ATG13: variants seen among roughly 807,000 people sequenced by gnomAD.
The protein encoded by ATG13 is autophagy-related protein 13.
In ATG13, 23 loss-of-function variants were observed where a neutral mutation model predicts 65.5. The ratio of observed to expected loss-of-function variants is 0.35; its 90% CI spans 0.25 to 0.50. The LOEUF (loss-of-function observed/expected upper bound fraction) is 0.50. Among genes scored for constraint, ATG13 ranks in the 20% least tolerant of loss-of-function variants. The pLI, the probability that ATG13 is intolerant of heterozygous loss-of-function variation, is 0.98. For missense variants in ATG13, 566 were observed against 677.0 expected, an observed-to-expected ratio of 0.84 and a Z score of 1.82; for synonymous variants, 252 against 245.2, an observed-to-expected ratio of 1.03 and a Z score of -0.26.
At chr11:46,663,129 G>T (rs1300506532) in intron 11 of ATG13, among the ~76,000 whole-genome samples, 1 of 151,902 alleles carries the variant, frequency 6.6e-6, no homozygotes. Flanking sequence ...AGCCAGGCTT[G>T]GTGGCGGGCA....
chr11:46,666,633 A>C (rs979965004), intron 14 of ATG13, among the ~76,000 whole-genome samples: 1 of 152,234 alleles, frequency 6.6e-6, no homozygotes, highest in East Asian at 1.9e-4. Context: ...AACTTTCAGA[A>C]CGGTTAAGTG....
At position 46,652,934 on chromosome 11, in the gene ATG13, TA is replaced by T. The variant is rs578113274; in HGVS notation, c.458+2624del. 3.9e-5 allele frequency among the ~76,000 whole-genome samples: 6 copies of T among 152,112 alleles called. No homozygotes were observed. In the South Asian group the frequency reaches 1.0e-3, roughly 26 times the overall value. ...TCAGCCGACCATCTGCTTGTTTTTA[TA>T]AAAAAAGTTTTTTTAGGACACAGCC... is the stretch of plus-strand genomic sequence containing the variant. On this transcript the variant is annotated intron_variant, in intron 7 of 18. Coordinates refer to ENST00000683050, the MANE Select transcript of ATG13 (RefSeq NM_001346311.2).
chr11:46,661,247 G>A (rs1469878914), intron 11 of ATG13, among the ~76,000 whole-genome samples: 1 of 152,182 alleles, frequency 6.6e-6, no homozygotes, highest in Non-Finnish European at 1.5e-5. Context: ...GCCGGGCGCA[G>A]TGGCTCACGC....
rs1368435914 is a variant in ATG13 at position 46,633,002 on chromosome 11, A to AT, written c.-14+2902_-14+2903insT. Among the ~76,000 whole-genome samples, 409 of 110,830 alleles carry AT rather than the reference A, an allele frequency of 3.7e-3. 1 individual carries two copies. The highest frequency in any genetic ancestry group is 9.3e-3 in the Middle Eastern group (2 of 216). The allele number at this position is 110,830 out of a possible 152,430, so 72.7% of individuals were successfully genotyped here. ...ACAGAGCAAGACCCCCATTAAAAAAAAATATATATATATATATATATATAT... is the reference window on the plus strand; with the variant it reads ...ACAGAGCAAGACCCCCATTAAAAAAATAATATATATATATATATATATATAT... On this transcript the variant is annotated intron_variant, in intron 2 of 18. Transcript: ENST00000683050.
chr11:46,655,898 C>A (rs972485181), intron 7 of ATG13, among the ~76,000 whole-genome samples: 1 of 152,088 alleles, frequency 6.6e-6, no homozygotes, highest in Non-Finnish European at 1.5e-5. Context: ...CCATCACACC[C>A]GGCAAAATTA....
At chr11:46,653,691 T>TC (rs1165481209) in intron 7 of ATG13, among the ~76,000 whole-genome samples, 2 of 151,696 alleles carry the variant, frequency 1.3e-5, no homozygotes, top group African/African-American at 4.8e-5. Flanking sequence ...TGCCTCAGCC[T>TC]CCCGAGTAGC....
intron 11 of ATG13, among the ~76,000 whole-genome samples, chr11:46,661,830 CAA>C (rs1247244871): frequency 6.7e-6 from 1 of 150,058 alleles, no homozygotes; most frequent in Non-Finnish European, 1.5e-5. Context: ...GATCCTGTCT[CAA>C]AAAAAAATAA....
At chr11:46,667,107 A>G (rs1054107686) in intron 14 of ATG13, among the ~76,000 whole-genome samples, 1 of 152,158 alleles carries the variant, frequency 6.6e-6, no homozygotes, top group Non-Finnish European at 1.5e-5. Context: ...AAATTCTTAA[A>G]TGGAGGTCAT....
intron 2 of ATG13, among the ~76,000 whole-genome samples, chr11:46,635,195 C>A (rs542320531): frequency 1.3e-5 from 2 of 150,962 alleles, no homozygotes; most frequent in South Asian, 4.2e-4. Flanking sequence ...TTAGTAGAGA[C>A]GGGTTTTGCT....
intron 15 of ATG13, 128 bp from the exon 16 acceptor site, chr11:46,668,371 C>G (rs2062868843): frequency 2.2e-6 from 2 of 891,002 alleles, no homozygotes; most frequent in Non-Finnish European, 1.8e-6. Flanking sequence ...AAGGCAGGAG[C>G]CTAAGGGGCA....
At chr11:46,634,015 CTT>C (rs2071594279) in intron 2 of ATG13, among the ~76,000 whole-genome samples, 1 of 152,150 alleles carries the variant, frequency 6.6e-6, no homozygotes, top group African/African-American at 2.4e-5. Flanking sequence ...TGACTAGACT[CTT>C]TGCTGAAAGT....
At chr11:46,630,661 C>T (rs1463275401) in intron 2 of ATG13, among the ~76,000 whole-genome samples, 2 of 147,086 alleles carry the variant, frequency 1.4e-5, no homozygotes, top group African/African-American at 5.2e-5. Flanking sequence ...CAGCCTTGAC[C>T]TTCCAGCTCA....
Position 46,624,419 on chromosome 11 carries a change from T to G in ATG13, c.-69-5626T>G, listed in dbSNP as rs552253576. ...GAAACTTTTTAAGAAATCCAGGAACTGGTCCAGCATCAAGCTTTGCATTTA... is the reference window on the plus strand; with the variant it reads ...GAAACTTTTTAAGAAATCCAGGAACGGGTCCAGCATCAAGCTTTGCATTTA... On this transcript the variant is annotated intron_variant, in intron 1 of 18. Coordinates refer to ENST00000683050, the MANE Select transcript of ATG13 (RefSeq NM_001346311.2). Among the ~76,000 whole-genome samples, 13 of 152,300 alleles carry G rather than the reference T, an allele frequency of 8.5e-5. No homozygotes were observed. In the South Asian group the frequency reaches 2.1e-3, roughly 24 times the overall value.
intron 10 of ATG13, among the ~76,000 whole-genome samples, chr11:46,658,840 A>AAAAAG (rs761871435): frequency 6.6e-6 from 1 of 152,128 alleles, no homozygotes; most frequent in African/African-American, 2.4e-5. Context: ...CAATTTAGAA[A>AAAAAG]AAAAGAAAAG....
Position 46,645,450 on chromosome 11 carries a change from CT to C in ATG13, c.150+32del, listed in dbSNP as rs758215266. ...ATTCTATTATTTACTAAGGTGTATA[CT>C]GTAGTGTTTGTCACAAGGAATGTGT... On this transcript the variant is annotated intron_variant, in intron 4 of 18. Coordinates refer to ENST00000683050, the MANE Select transcript of ATG13 (RefSeq NM_001346311.2). 7.6e-6 allele frequency: 12 copies of C among 1,573,620 alleles called. No individual in the cohort carries two copies. The African/African-American group carries it at 1.4e-4, about 18-fold the overall frequency.
rs149242727 is a variant in ATG13 at position 46,650,699 on chromosome 11, G to A, written c.458+382G>A. 8.7e-4 allele frequency among the ~76,000 whole-genome samples: 133 copies of A among 152,250 alleles called. 1 individual carries two copies. Among genetic ancestry groups the A allele is most frequent in the African/African-American group, 3.1e-3 (129 of 41,548 alleles). On this transcript the variant is annotated intron_variant, in intron 7 of 18. Transcript: ENST00000683050. ...TGGCCCATTGCAGCCTCTGCCTCCCGGGTTCAAGTGATTCTCCTGCCTTAG... is the reference window on the plus strand; with the variant it reads ...TGGCCCATTGCAGCCTCTGCCTCCCAGGTTCAAGTGATTCTCCTGCCTTAG...
Position 46,673,377 on chromosome 11 carries a change from G to T in ATG13, c.*1045G>T, listed in dbSNP as rs1277821823. Reference sequence around the variant, plus strand: ...GGAACTGACTAAAGGCTTTACCTTGGATAGTTGCGTATTCCTGGTGAGAGC... The same window carrying T: ...GGAACTGACTAAAGGCTTTACCTTGTATAGTTGCGTATTCCTGGTGAGAGC... On this transcript the variant is annotated 3_prime_UTR_variant, in exon 19 of 19. Coordinates refer to ENST00000683050, the MANE Select transcript of ATG13 (RefSeq NM_001346311.2). The T allele has an allele frequency of 1.3e-5, 2 of 152,388 alleles. No individual in the cohort carries two copies. The highest frequency in any genetic ancestry group is 3.9e-4 in the East Asian group (2 of 5,192). 9.4% of individuals were successfully genotyped at this position (152,388 alleles called of 1,614,324 possible). A position where few individuals can be genotyped will look rare whatever the true frequency, so the allele number is the denominator to read the frequency against.
chr11:46,665,055 A>T, intron 13 of ATG13, 96 bp downstream of exon 13: 1 of 1,223,592 alleles, frequency 8.2e-7, no homozygotes, highest in Admixed American at 2.1e-5. Context: ...GATATGTTCT[A>T]AGTGCTATAT....
chr11:46,636,884 C>T (rs779077503), intron 2 of ATG13, among the ~76,000 whole-genome samples: 9 of 152,022 alleles, frequency 5.9e-5, no homozygotes, highest in Non-Finnish European at 1.0e-4. Flanking sequence ...CACACCAACA[C>T]GCCTCAGCTA....
Sources: allele counts gnomAD v4.1 joint callset (sites outside exome capture counted in the v4.1 genomes callset), GRCh38; gene constraint gnomAD v4.1.1; transcripts MANE v1.5; gene names NCBI Gene and HGNC (gene_info 2026-07-23, HGNC 2026-07-21).